Variants in STRA6 observed in about 807,000 individuals in gnomAD.
STRA6 encodes signaling receptor and transporter of retinol STRA6.
Under a neutral mutation model 83.6 loss-of-function variants are expected in STRA6, and 48 were observed. That is an observed-to-expected ratio of 0.57 (90% CI 0.46 to 0.73). The LOEUF is 0.73. Ranked by LOEUF, STRA6 falls within the 30% of genes least tolerant of loss-of-function variation. The pLI is 0.00. For synonymous variants in STRA6, 353 were observed against 362.3 expected (o/e 0.97, Z 0.29); for missense variants, 760 against 838.8 (o/e 0.91, Z 1.16).
rs558310892 is a variant in STRA6, at chr15:74,195,684, T to A, written c.407-9A>T. 3.1e-4 allele frequency: 421 copies of A among 1,339,648 alleles called. 1 individual carries two copies. The East Asian group carries it at 7.4e-3, about 24-fold the overall frequency. 83.0% of individuals were successfully genotyped at this position (1,339,648 alleles called of 1,614,324 possible). On this transcript the variant is annotated splice_polypyrimidine_tract_variant and intron_variant, in intron 5 of 18. Transcript: ENST00000395105. ...AGCCTCAGTTTTCCCATCTGTAAAA[T>A]GAAAATAATCACAGTATATTAGCAA...
upstream of STRA6, among the ~76,000 whole-genome samples, chr15:74,211,352 C>T (rs2074366018): frequency 6.6e-6 from 1 of 151,840 alleles, no homozygotes; most frequent in South Asian, 2.1e-4. Flanking sequence ...CAGCAGAACC[C>T]CTGCCTACTG....
chr15:74,184,901 C>T (rs1391952250), intron 13 of STRA6, 79 bp downstream of exon 13: 1 of 1,436,124 alleles, frequency 7.0e-7, no homozygotes, highest in Non-Finnish European at 9.7e-7. Flanking sequence ...CCCTCCAGGC[C>T]CAGGGCCTCC....
chr15:74,207,935 C>T, intron 1 of STRA6: 1 of 1,460,186 alleles, frequency 6.8e-7, no homozygotes, highest in African/African-American at 1.4e-5. Context: ...ATGGGTGACT[C>T]TCCACCTCCT....
At chr15:74,187,982 C>G (rs1365712921) in intron 12 of STRA6, among the ~76,000 whole-genome samples, 1 of 152,178 alleles carries the variant, frequency 6.6e-6, no homozygotes, top group African/African-American at 2.4e-5. Flanking sequence ...CTGCACCTGC[C>G]TATGAACCAG....
intron 12 of STRA6, among the ~76,000 whole-genome samples, chr15:74,187,553 C>T (rs2073314931): frequency 6.6e-6 from 1 of 151,892 alleles, no homozygotes; most frequent in Non-Finnish European, 1.5e-5. Flanking sequence ...GTGAGTGATG[C>T]CAGGCTTATG....
Position 74,188,122 on chromosome 15 carries a change from CGGAGATGGT to C in STRA6, c.1090+984_1090+992del, listed in dbSNP as rs1386398813. Among the ~76,000 whole-genome samples the C allele has an allele frequency of 3.3e-5, 5 of 152,186 alleles. No individual in the cohort carries two copies. In the East Asian group the frequency reaches 9.6e-4, roughly 29 times the overall value. On this transcript the variant is annotated intron_variant, in intron 12 of 18. Transcript: ENST00000395105. The surrounding 1 kb of genome is among the most constrained non-coding windows in gnomAD (Gnocchi z 4.5). ...TCTAGTACGGGAACTGAGGTGCTCA[CGGAGATGGT>C]GGAGGTGGTCAGGGAAGGAAGTGGT...
rs1221446274 is a variant in STRA6, at chr15:74,195,585, G to A, written c.430+67C>T. On this transcript the variant is annotated intron_variant, in intron 6 of 18. Transcript: ENST00000395105. ...TTCCAAGCCCTTCAGCACGTTCAGTGGGCAAGAACACTAGGTTCAAATCCA... is the reference window on the plus strand; with the variant it reads ...TTCCAAGCCCTTCAGCACGTTCAGTAGGCAAGAACACTAGGTTCAAATCCA... 2.6e-6 allele frequency: 4 copies of A among 1,559,636 alleles called. No individual in the cohort carries two copies. The South Asian group carries it at 4.7e-5, about 18-fold the overall frequency.
At chr15:74,208,038 C>G (rs932283433) in intron 1 of STRA6, 1 of 1,348,288 alleles carries the variant, frequency 7.4e-7, no homozygotes, top group Non-Finnish European at 9.6e-7. Flanking sequence ...CCCTCACCAA[C>G]AGCATCATCA....
upstream of STRA6, among the ~76,000 whole-genome samples, chr15:74,209,863 G>A (rs1276275195): frequency 6.6e-6 from 1 of 152,226 alleles, no homozygotes; most frequent in African/African-American, 2.4e-5. Flanking sequence ...AAGAAGCGGG[G>A]CCCTAAATTC....
chr15:74,209,661 C>G, upstream of STRA6: 1 of 563,832 alleles, frequency 1.8e-6, no homozygotes, highest in South Asian at 2.3e-5. Context: ...CCTGCAACCT[C>G]CAACGCTGCT....
At chr15:74,187,990 C>A (rs999827009) in intron 12 of STRA6, among the ~76,000 whole-genome samples, 2 of 152,158 alleles carry the variant, frequency 1.3e-5, no homozygotes, top group Non-Finnish European at 2.9e-5. Flanking sequence ...GCCTATGAAC[C>A]AGATTGCAAC....
Position 74,197,390 on chromosome 15 carries a change from T to C in STRA6, c.214A>G (p.Arg72Gly), listed in dbSNP as rs1448655027. ...LVLLLLAMLV[R>G]RRQLWPDCVR... Reference sequence around the variant, plus strand: ...CAGTCAGGCCAGAGCTGGCGGCGCCTCACCAGCATGGCCAGGAGCAGCAGC... The same window carrying C: ...CAGTCAGGCCAGAGCTGGCGGCGCCCCACCAGCATGGCCAGGAGCAGCAGC... The change falls in exon 4 of 19, where the codon AGG (arginine) becomes GGG (glycine). Residue 72 changes from arginine (R) to glycine (G), a missense_variant. By Grantham distance (125) the Arg-to-Gly change is moderately radical. Transcript: ENST00000395105. 2 of 1,550,522 alleles carry C rather than the reference T, an allele frequency of 1.3e-6. No homozygotes were observed. The highest frequency in any genetic ancestry group is 1.4e-5 in the African/African-American group (1 of 73,130).
chr15:74,180,984 C>G (rs1198588882), intron 17 of STRA6, 47 bp from the exon 18 acceptor site: 1 of 1,608,914 alleles, frequency 6.2e-7, no homozygotes, highest in African/African-American at 1.3e-5. Context: ...AGGGGCCACA[C>G]TGGAGGCATC....
exon 1 of STRA6, chr15:74,208,814 T>C: frequency 1.0e-6 from 1 of 988,114 alleles, no homozygotes; most frequent in Non-Finnish European, 1.2e-6. Flanking sequence ...AATCAAGCGC[T>C]CTCCTGACCT....
rs974797358 is a variant in STRA6 at position 74,195,319 on chromosome 15, A to T, written c.580T>A (p.Cys194Ser). The T allele has an allele frequency of 3.1e-6, 5 of 1,612,566 alleles. No individual in the cohort carries two copies. The Admixed American group carries it at 5.0e-5, about 16-fold the overall frequency. Residue 194 changes from cysteine (C) to serine (S), a missense_variant, in exon 7 of 19, where the codon TGT becomes AGT. Coordinates refer to ENST00000395105, the MANE Select transcript of STRA6 (RefSeq NM_022369.4). ...LGVQVWQRAECPQVPKIYKYY... is the reference protein window; with the variant it reads ...LGVQVWQRAESPQVPKIYKYY... Reference sequence around the variant, plus strand: ...GCGGTTACCTTGGGCACCTGGGGACACTCTGCCCTCTGCCAGACCTGGACC... The same window carrying T: ...GCGGTTACCTTGGGCACCTGGGGACTCTCTGCCCTCTGCCAGACCTGGACC...
At chr15:74,194,715 T>C (rs990363879) in intron 7 of STRA6, 30 of 1,185,912 alleles carry the variant, frequency 2.5e-5, no homozygotes, top group Middle Eastern at 3.1e-4. Flanking sequence ...ACAAAGTATG[T>C]GCTTCAAATA....
At chr15:74,194,328 C>T in intron 7 of STRA6, 1 of 1,140,540 alleles carries the variant, frequency 8.8e-7, no homozygotes, top group Non-Finnish European at 1.1e-6. Flanking sequence ...AAGTCTATGC[C>T]CTACTCCTCA....
intron 7 of STRA6, 87 bp downstream of exon 7, chr15:74,195,215 T>C (rs540260495): frequency 2.9e-4 from 446 of 1,561,732 alleles, no homozygotes; most frequent in South Asian, 5.4e-4. Flanking sequence ...CGGCCCATCA[T>C]AGAATCAGAG....
intron 17 of STRA6, 99 bp from the exon 18 acceptor site, chr15:74,181,036 C>T: frequency 6.5e-7 from 1 of 1,527,308 alleles, no homozygotes; most frequent in Non-Finnish European, 8.9e-7. Context: ...CACGTGCACT[C>T]CCTGCATCCA....
Sources: gnomAD v4.1 joint callset for allele counts (sites outside exome capture counted in the v4.1 genomes callset) on GRCh38, gnomAD v4.1.1 for gene constraint, Gnocchi (gnomAD v3.1) non-coding constraint, MANE v1.5 for transcripts, NCBI Gene and HGNC (gene_info 2026-07-23, HGNC 2026-07-21) for gene names.